Variants in MTOR observed in about 807,000 individuals in gnomAD.
MTOR encodes mechanistic target of rapamycin kinase, also known as serine/threonine-protein kinase mTOR.
MTOR carries 70 observed loss-of-function variants against 319.8 expected under a neutral mutation model. The observed-to-expected ratio is 0.22, with a 90% CI of 0.18 to 0.27. The LOEUF is 0.27. Ranked by LOEUF, MTOR falls within the 10% of genes least tolerant of loss-of-function variation. The pLI is 1.00. For missense variants in MTOR, 1,890 were observed against 3,274.4 expected (o/e 0.58, Z 10.32); for synonymous variants, 1,183 against 1,211.4 (o/e 0.98, Z 0.49).
intron 19 of MTOR, among the ~76,000 whole-genome samples, chr1:11,217,615 G>A (rs1481784302): frequency 1.4e-5 from 2 of 147,600 alleles, no homozygotes; most frequent in Non-Finnish European, 3.0e-5. Flanking sequence ...GTTTCACCGT[G>A]TTAGCCAGGA....
At chr1:11,112,176 G>A (rs1557737499) in intron 54 of MTOR, among the ~76,000 whole-genome samples, 1 of 152,084 alleles carries the variant, frequency 6.6e-6, no homozygotes, top group Non-Finnish European at 1.5e-5. Context: ...TGTTCCATGT[G>A]GTTCCAGGGT....
At chr1:11,150,413 G>A (rs903530630) in intron 30 of MTOR, among the ~76,000 whole-genome samples, 187 bp from the exon 31 acceptor site, 1 of 152,134 alleles carries the variant, frequency 6.6e-6, no homozygotes, top group Non-Finnish European at 1.5e-5. Context: ...CCCGGTGCTC[G>A]TAATTTTTCT....
intron 3 of MTOR, among the ~76,000 whole-genome samples, chr1:11,257,627 A>T (rs1340179353): frequency 6.6e-6 from 1 of 150,828 alleles, no homozygotes; most frequent in Non-Finnish European, 1.5e-5. Flanking sequence ...CTTTGAGTAC[A>T]TTTCTAGATG....
At chr1:11,136,487 T>A (rs1273111552) in intron 36 of MTOR, among the ~76,000 whole-genome samples, 3 of 148,526 alleles carry the variant, frequency 2.0e-5, no homozygotes, top group Non-Finnish European at 4.4e-5. Flanking sequence ...TTAATTTTAA[T>A]TTTTTTAACT....
intron 28 of MTOR, chr1:11,192,421 C>A (rs773696473): frequency 3.5e-6 from 5 of 1,435,224 alleles, no homozygotes; most frequent in Non-Finnish European, 4.9e-6. Flanking sequence ...CCTTCACCCC[C>A]TCAAGGGGAC....
intron 20 of MTOR, among the ~76,000 whole-genome samples, chr1:11,214,398 T>A (rs560885407): frequency 6.6e-6 from 1 of 152,300 alleles, no homozygotes; most frequent in South Asian, 2.1e-4. Context: ...AGCAAATTAG[T>A]CCAAGCCTCT....
chr1:11,230,254 T>G (rs1434221888), intron 18 of MTOR, among the ~76,000 whole-genome samples: 1 of 152,080 alleles, frequency 6.6e-6, no homozygotes. Flanking sequence ...AACCCCTCCC[T>G]ACTAAAAATG....
chr1:11,189,571 C>A (rs1645443693), intron 28 of MTOR: 1 of 1,585,616 alleles, frequency 6.3e-7, no homozygotes, highest in South Asian at 1.2e-5. Flanking sequence ...TCACCCAAAC[C>A]CACAAAAGAT....
intron 36 of MTOR, among the ~76,000 whole-genome samples, chr1:11,137,257 G>C (rs1346860652): frequency 6.6e-6 from 1 of 151,672 alleles, no homozygotes; most frequent in African/African-American, 2.4e-5. Flanking sequence ...CACGCAGGTA[G>C]GAGCTAAACT....
At chr1:11,153,201 A>G (rs1156669299) in intron 30 of MTOR, among the ~76,000 whole-genome samples, 2 of 152,220 alleles carry the variant, frequency 1.3e-5, no homozygotes, top group African/African-American at 2.4e-5. Flanking sequence ...GGAAGGGGCC[A>G]GGAGAGGTTT....
chr1:11,169,844 C>T (rs955461859), intron 28 of MTOR, among the ~76,000 whole-genome samples: 3 of 152,206 alleles, frequency 2.0e-5, no homozygotes, highest in African/African-American at 7.2e-5. Context: ...AATTGCTAAG[C>T]AGGTCCTTCA....
intron 2 of MTOR, 53 bp downstream of exon 2, chr1:11,259,195 G>A (rs2100985855): frequency 6.3e-7 from 1 of 1,577,560 alleles, no homozygotes; most frequent in Non-Finnish European, 8.6e-7. Flanking sequence ...AACCAGTGAT[G>A]GTACATTTAG....
Position 11,127,073 on chromosome 1 carries a change from G to C in MTOR, c.6288C>G (p.Asp2096Glu), listed in dbSNP as rs781221748. 7.4e-6 allele frequency: 12 copies of C among 1,614,166 alleles called. No individual in the cohort carries two copies. The highest frequency in any genetic ancestry group is 1.0e-5 in the Non-Finnish European group (12 of 1,180,040). Residue 2096 changes from aspartate to glutamate, a missense_variant, in exon 45 of 58, where the codon GAC becomes GAG. Around this residue, in one of 15 missense-constraint regions of MTOR, gnomAD observed 249 missense variants for 596.2 expected, o/e 0.42. Coordinates refer to ENST00000361445, the MANE Select transcript of MTOR (RefSeq NM_004958.4). This position sits in a 1 kb window ranked among gnomAD's most constrained non-coding sequence, Gnocchi z 5.5. ...RKYMKSGNVKDLTQAWDLYYH... is the reference protein window; with the variant it reads ...RKYMKSGNVKELTQAWDLYYH... ...AATAGAGGTCCCAGGCTTGGGTGAG[G>C]TCCTTGACATTCCCTGATTTCATGT...
intron 19 of MTOR, among the ~76,000 whole-genome samples, chr1:11,217,460 C>T (rs1331578782): frequency 2.6e-5 from 4 of 151,152 alleles, no homozygotes; most frequent in Admixed American, 6.6e-5. Context: ...GGCATGATCT[C>T]GGCTCACTGC....
intron 34 of MTOR, among the ~76,000 whole-genome samples, chr1:11,141,438 G>A (rs1000459999): frequency 1.6e-4 from 25 of 152,068 alleles, no homozygotes; most frequent in Admixed American, 5.2e-4. Context: ...GCTCGGTCTC[G>A]GCTCACTGCA....
intron 32 of MTOR, among the ~76,000 whole-genome samples, chr1:11,146,279 G>C (rs1643926330): frequency 6.6e-6 from 1 of 152,276 alleles, no homozygotes; most frequent in African/African-American, 2.4e-5. Flanking sequence ...AGCTTCCTCG[G>C]AAGGTAATCA....
In MTOR at chr1:11,133,204, G is replaced by A. The variant is rs1398225495; in HGVS notation, c.5247-7C>T. 2 of 1,612,986 alleles carry A rather than the reference G, an allele frequency of 1.2e-6. No homozygotes were observed. The highest frequency in any genetic ancestry group is 1.7e-6 in the Non-Finnish European group (2 of 1,178,982). ...TCCAAGTTTCAGGAAGCATCTGGAA[G>A]CAGAGAAACAAGCCCCCATGACATT... On this transcript the variant is annotated splice_region_variant and splice_polypyrimidine_tract_variant and intron_variant, in intron 37 of 57. Coordinates refer to ENST00000361445, the MANE Select transcript of MTOR (RefSeq NM_004958.4). The surrounding 1 kb of genome is among the most constrained non-coding windows in gnomAD (Gnocchi z 4.0).
intron 11 of MTOR, 132 bp downstream of exon 11, chr1:11,240,171 T>C: frequency 8.1e-7 from 1 of 1,240,228 alleles, no homozygotes; most frequent in Non-Finnish European, 1.1e-6. Flanking sequence ...CTAGGAAGGA[T>C]GAGCTGCTAC....
At chr1:11,179,078 G>A (rs1386173554) in intron 28 of MTOR, among the ~76,000 whole-genome samples, 1 of 152,174 alleles carries the variant, frequency 6.6e-6, no homozygotes, top group Non-Finnish European at 1.5e-5. Context: ...AGAGAACTGT[G>A]GCACTCTATA....
Sources: gnomAD v4.1 joint callset for allele counts (sites outside exome capture counted in the v4.1 genomes callset) on GRCh38, gnomAD v4.1.1 for gene constraint, gnomAD v4.1.1 regional missense constraint, Gnocchi (gnomAD v3.1) non-coding constraint, MANE v1.5 for transcripts, NCBI Gene and HGNC (gene_info 2026-07-23, HGNC 2026-07-21) for gene names.